Variants in ENOX1 observed in about 807,000 individuals in gnomAD.
ENOX1 encodes candidate growth-related and time keeping constitutive hydroquinone (NADH) oxidase.
In ENOX1, 42 loss-of-function variants were observed where a neutral mutation model predicts 82.5. That is an observed-to-expected ratio of 0.51 (90% confidence interval 0.40 to 0.66). ENOX1 has a LOEUF of 0.66. Among genes scored for constraint, ENOX1 ranks in the 30% least tolerant of loss-of-function variants. ENOX1 has a pLI of 0.00. For synonymous variants in ENOX1, 271 were observed against 282.2 expected (o/e 0.96, Z 0.40); for missense variants, 608 against 811.6 (o/e 0.75, Z 3.05).
At chr13:43,563,531 A>G (rs1471273862) in intron 2 of ENOX1, among the ~76,000 whole-genome samples, 1 of 152,132 alleles carries the variant, frequency 6.6e-6, no homozygotes, top group Admixed American at 6.6e-5. Flanking sequence ...AATAGAGACC[A>G]GAGCAGAAGT....
chr13:43,624,099 T>C (rs1019610576), intron 2 of ENOX1, among the ~76,000 whole-genome samples: 1 of 152,210 alleles, frequency 6.6e-6, no homozygotes, highest in Non-Finnish European at 1.5e-5. Context: ...ATGTTGTCAG[T>C]AGTTTTTATT....
chr13:43,496,236 ACT>A (rs2076787587), intron 2 of ENOX1, among the ~76,000 whole-genome samples: 1 of 142,028 alleles, frequency 7.0e-6, no homozygotes, highest in Non-Finnish European at 1.6e-5. Flanking sequence ...TCATCTTTTG[ACT>A]TTTTCTAGAA....
intron 3 of ENOX1, among the ~76,000 whole-genome samples, chr13:43,471,917 A>ATT (rs1287512410): frequency 6.6e-6 from 1 of 152,014 alleles, no homozygotes; most frequent in African/African-American, 2.4e-5. Flanking sequence ...GTATATGAGT[A>ATT]TTTACTGTAA....
chr13:43,744,913 A>T lies in ENOX1; in HGVS notation c.-285+41739T>A, dbSNP rs118061320. On this transcript the variant is annotated intron_variant, in intron 1 of 16. Transcript: ENST00000690772. Reference sequence around the variant, plus strand: ...AATTACATCTACAATGCATCTTAGCATTACGGATTACTAACAATTTTTCCA... The same window carrying T: ...AATTACATCTACAATGCATCTTAGCTTTACGGATTACTAACAATTTTTCCA... 9.4e-3 allele frequency among the ~76,000 whole-genome samples: 1,435 copies of T among 152,340 alleles called. 65 individuals are homozygous for T. The highest frequency in any genetic ancestry group is 0.071 in the Admixed American group (1,081 of 15,290).
chr13:43,450,364 T>G (rs2056894782), intron 3 of ENOX1, among the ~76,000 whole-genome samples: 1 of 152,200 alleles, frequency 6.6e-6, no homozygotes, highest in African/African-American at 2.4e-5. Context: ...TAAGAAAATG[T>G]ACCTGGGGTT....
chr13:43,434,796 A>G (rs1452176997), intron 3 of ENOX1, among the ~76,000 whole-genome samples: 3 of 152,190 alleles, frequency 2.0e-5, no homozygotes, highest in Non-Finnish European at 4.4e-5. Flanking sequence ...GTAAAAATGA[A>G]TAAGTAAATA....
At chr13:43,478,462 CAA>C (rs928390701) in intron 3 of ENOX1, among the ~76,000 whole-genome samples, 24 of 152,040 alleles carry the variant, frequency 1.6e-4, no homozygotes, top group Non-Finnish European at 3.1e-4. Context: ...AAAAAGAAGA[CAA>C]GACAGAAAAA....
chr13:43,478,132 C>T (rs1031450896), intron 3 of ENOX1, among the ~76,000 whole-genome samples: 5 of 135,630 alleles, frequency 3.7e-5, no homozygotes, highest in Admixed American at 2.6e-4. Flanking sequence ...ACTAGTAAGG[C>T]AAGAGTCACT....
chr13:43,440,155 G>A (rs1250355174), intron 3 of ENOX1, among the ~76,000 whole-genome samples: 1 of 152,126 alleles, frequency 6.6e-6, no homozygotes, highest in Non-Finnish European at 1.5e-5. Flanking sequence ...CCTCGTTCCT[G>A]TTCCTTATCT....
chr13:43,317,138 C>A (rs1349728585), intron 11 of ENOX1, among the ~76,000 whole-genome samples: 1 of 152,228 alleles, frequency 6.6e-6, no homozygotes. Flanking sequence ...CAGATCCTGG[C>A]ATGTGGCCTC....
intron 5 of ENOX1, among the ~76,000 whole-genome samples, chr13:43,378,981 G>A (rs2051837673): frequency 6.6e-6 from 1 of 152,168 alleles, no homozygotes; most frequent in Non-Finnish European, 1.5e-5. Flanking sequence ...AGAAGAGAAG[G>A]TTGGAGTAAT....
intron 2 of ENOX1, among the ~76,000 whole-genome samples, chr13:43,598,482 G>A (rs946356642): frequency 6.6e-6 from 1 of 152,152 alleles, no homozygotes; most frequent in Admixed American, 6.5e-5. Flanking sequence ...CTGTGGTTTA[G>A]AAAGCGTGGC....
chr13:43,718,181 CT>C (rs1413747691), intron 1 of ENOX1, among the ~76,000 whole-genome samples: 2 of 151,216 alleles, frequency 1.3e-5, no homozygotes, highest in Non-Finnish European at 2.9e-5. Flanking sequence ...TACATATGCA[CT>C]ATGGAATACA....
At position 43,213,544 on chromosome 13, in the gene ENOX1, C is replaced by CTTTTTTTTTTTTTTTTTTTTTTTTT. The variant is rs3043205; in HGVS notation, c.*445_*446insAAAAAAAAAAAAAAAAAAAAAAAAA. The CTTTTTTTTTTTTTTTTTTTTTTTTT allele has an allele frequency of 1.7e-4, 14 of 83,988 alleles. No individual in the cohort carries two copies. The highest frequency in any genetic ancestry group is 2.5e-4 in the Non-Finnish European group (11 of 43,706). The allele number at this position is 83,988 out of a possible 1,614,324, so 5.2% of individuals were successfully genotyped here. ...TTTTTCTTTTTTTCTTTTTCTTTTTCTTTTTTTTTTTTTTTTTTTTTTTAC... is the reference window on the plus strand; with the variant it reads ...TTTTTCTTTTTTTCTTTTTCTTTTTCTTTTTTTTTTTTTTTTTTTTTTTTTTTTTTTTTTTTTTTTTTTTTTTTAC... On this transcript the variant is annotated 3_prime_UTR_variant, in exon 17 of 17. Transcript: ENST00000690772.
At chr13:43,504,908 C>T (rs2077100552) in intron 2 of ENOX1, among the ~76,000 whole-genome samples, 1 of 151,610 alleles carries the variant, frequency 6.6e-6, no homozygotes, top group Admixed American at 6.6e-5. Flanking sequence ...ATATACTTAT[C>T]TCTAACTCAC....
chr13:43,593,930 C>T (rs138356678), intron 2 of ENOX1, among the ~76,000 whole-genome samples: 1 of 152,254 alleles, frequency 6.6e-6, no homozygotes, highest in African/African-American at 2.4e-5. Context: ...GTCTAATCCT[C>T]TTGCCCTCTA....
rs748351168 is a variant in ENOX1 at position 43,322,495 on chromosome 13, G to A, written c.1150C>T (p.Arg384Trp). Residue 384 changes from arginine (R) to tryptophan (W), a missense_variant, in exon 11 of 17, where the codon CGG becomes TGG. Transcript: ENST00000690772. Reference sequence around the variant, plus strand: ...ATGAGCTGCTCACTTTGAGCATTCCGGAGCTCCTGCAAGTAGAGGATACAC... The same window carrying A: ...ATGAGCTGCTCACTTTGAGCATTCCAGAGCTCCTGCAAGTAGAGGATACAC... ...DIWRKHSEEL[R>W]NAQSEQLMGI... 17 of 1,613,038 alleles carry A rather than the reference G, an allele frequency of 1.1e-5. No individual in the cohort carries two copies. The highest frequency in any genetic ancestry group is 4.5e-5 in the East Asian group (2 of 44,860).
At chr13:43,418,516 ACT>A (rs2054775716) in intron 3 of ENOX1, among the ~76,000 whole-genome samples, 2 of 152,168 alleles carry the variant, frequency 1.3e-5, no homozygotes, top group South Asian at 4.1e-4. Context: ...CAACAGCAAG[ACT>A]CTGTCTCAAA....
At chr13:43,505,574 T>C (rs1277266100) in intron 2 of ENOX1, among the ~76,000 whole-genome samples, 6 of 152,088 alleles carry the variant, frequency 3.9e-5, no homozygotes. Flanking sequence ...TGTCTGTTTA[T>C]ATCCTTCGCC....
Sources: gnomAD v4.1 joint callset for allele counts (sites outside exome capture counted in the v4.1 genomes callset) on GRCh38, gnomAD v4.1.1 for gene constraint, MANE v1.5 for transcripts, NCBI Gene and HGNC (gene_info 2026-07-23, HGNC 2026-07-21) for gene names.